Variants in SORCS3 observed in about 807,000 individuals in gnomAD.
SORCS3 encodes the protein VPS10 domain-containing receptor SorCS3.
A neutral mutation model predicts 146.3 loss-of-function variants in SORCS3; 57 were observed. The ratio of observed to expected loss-of-function variants is 0.39; its 90% CI spans 0.31 to 0.49. The LOEUF (loss-of-function observed/expected upper bound fraction) is 0.49, where lower values mean the gene tolerates loss of function less well. Ranked by LOEUF, SORCS3 falls within the 20% of genes least tolerant of loss-of-function variation. The pLI is 0.92. For synonymous variants in SORCS3, 653 were observed against 618.5 expected (o/e 1.06, Z -0.83); for missense variants, 1,341 against 1,575.5 (o/e 0.85, Z 2.52).
intron 1 of SORCS3, among the ~76,000 whole-genome samples, chr10:104,733,148 G>T (rs2016727381): frequency 6.6e-6 from 1 of 152,080 alleles, no homozygotes; most frequent in African/African-American, 2.4e-5. Flanking sequence ...AAAATGCTCT[G>T]GGGCCCATGA....
At chr10:105,093,360 G>A (rs2055723542) in intron 6 of SORCS3, among the ~76,000 whole-genome samples, 1 of 152,074 alleles carries the variant, frequency 6.6e-6, no homozygotes, top group Non-Finnish European at 1.5e-5. Context: ...CCTTGGGATG[G>A]ACAGAGTTTT....
chr10:105,155,094 T>C (rs757968387), intron 9 of SORCS3, among the ~76,000 whole-genome samples: 17 of 152,134 alleles, frequency 1.1e-4, no homozygotes, highest in Non-Finnish European at 2.2e-4. Flanking sequence ...TTCTACATCT[T>C]TTTAGTCCCC....
At chr10:104,828,123 C>T (rs1299840230) in intron 1 of SORCS3, among the ~76,000 whole-genome samples, 1 of 152,090 alleles carries the variant, frequency 6.6e-6, no homozygotes, top group East Asian at 1.9e-4. Flanking sequence ...TTTAAAATTT[C>T]CTTCAAGGAC....
rs201293646 is a variant in SORCS3, at chr10:105,255,684, C to T, written c.3238-18C>T. 8.8e-5 allele frequency: 138 copies of T among 1,576,566 alleles called. 1 individual carries two copies. In the Admixed American group the frequency reaches 1.6e-3, roughly 18 times the overall value. On this transcript the variant is annotated intron_variant, in intron 23 of 26. Coordinates refer to ENST00000369701, the MANE Select transcript of SORCS3 (RefSeq NM_014978.3). ...TTGCATGTCATGTCACCCCATGCATCCTGTCTTATTTTTTCAGATTGTAGA... is the reference window on the plus strand; with the variant it reads ...TTGCATGTCATGTCACCCCATGCATTCTGTCTTATTTTTTCAGATTGTAGA...
intron 1 of SORCS3, among the ~76,000 whole-genome samples, chr10:104,726,956 T>C (rs916335014): frequency 3.3e-5 from 5 of 152,220 alleles, no homozygotes; most frequent in African/African-American, 7.2e-5. Flanking sequence ...TTGCCTGTTT[T>C]TAGGGTACTG....
chr10:105,136,990 G>C (rs1176085188), intron 7 of SORCS3, among the ~76,000 whole-genome samples: 1 of 152,140 alleles, frequency 6.6e-6, no homozygotes, highest in African/African-American at 2.4e-5. Context: ...GACATGGGAG[G>C]ATGAGTTCTC....
chr10:105,117,954 A>G lies in SORCS3; in HGVS notation c.1212+12439A>G, dbSNP rs897076806. ...GTTCAGGGTCCCCTCTCATCTCTCC[A>G]TCTTTCCAATATCATCTTACTTTCC... On this transcript the variant is annotated intron_variant, in intron 7 of 26. Transcript: ENST00000369701. Among the ~76,000 whole-genome samples, 4 of 152,080 alleles carry G rather than the reference A, an allele frequency of 2.6e-5. No individual in the cohort carries two copies. In the East Asian group the frequency reaches 5.8e-4, roughly 22 times the overall value.
intron 4 of SORCS3, among the ~76,000 whole-genome samples, chr10:105,007,097 C>T (rs1402288085): frequency 6.6e-6 from 1 of 152,152 alleles, no homozygotes; most frequent in African/African-American, 2.4e-5. Flanking sequence ...GTGAAAGCTC[C>T]TTCCCCAAAG....
At chr10:105,164,716 C>A (rs2056297931) in intron 12 of SORCS3, among the ~76,000 whole-genome samples, 1 of 152,074 alleles carries the variant, frequency 6.6e-6, no homozygotes, top group African/African-American at 2.4e-5. Context: ...GCCAAGAGTT[C>A]TTGGCAAGCT....
At chr10:105,001,815 A>G (rs561060441) in intron 4 of SORCS3, among the ~76,000 whole-genome samples, 1 of 152,184 alleles carries the variant, frequency 6.6e-6, no homozygotes, top group Non-Finnish European at 1.5e-5. Flanking sequence ...CAGGCACAAT[A>G]TGTCTTTCAA....
intron 1 of SORCS3, among the ~76,000 whole-genome samples, chr10:104,674,912 TTGTTTCCA>T (rs1461641819): frequency 2.0e-5 from 3 of 152,254 alleles, no homozygotes; most frequent in African/African-American, 2.4e-5. Flanking sequence ...GACATCTGAC[TTGTTTCCA>T]ATTTTTGGCT....
chr10:104,743,493 A>G (rs1048490906), intron 1 of SORCS3, among the ~76,000 whole-genome samples: 1 of 152,188 alleles, frequency 6.6e-6, no homozygotes, highest in African/African-American at 2.4e-5. Context: ...AGGGAGGCCA[A>G]GTTTAATGCG....
At chr10:104,940,803 C>T (rs1220541852) in intron 3 of SORCS3, among the ~76,000 whole-genome samples, 3 of 152,090 alleles carry the variant, frequency 2.0e-5, no homozygotes, top group African/African-American at 4.8e-5. Flanking sequence ...ATGAAAACGG[C>T]CATACTGCCC....
chr10:105,123,974 T>C (rs1011539062), intron 7 of SORCS3, among the ~76,000 whole-genome samples: 3 of 152,216 alleles, frequency 2.0e-5, no homozygotes, highest in Admixed American at 6.5e-5. Context: ...CAATTATGTG[T>C]GTGAGTATAT....
At chr10:105,119,559 T>G (rs1304440599) in intron 7 of SORCS3, among the ~76,000 whole-genome samples, 1 of 152,050 alleles carries the variant, frequency 6.6e-6, no homozygotes, top group Non-Finnish European at 1.5e-5. Flanking sequence ...TGAAAACAGT[T>G]GGAACGGGGC....
intron 8 of SORCS3, among the ~76,000 whole-genome samples, chr10:105,145,028 T>C (rs1227587262): frequency 6.6e-6 from 1 of 152,068 alleles, no homozygotes; most frequent in Non-Finnish European, 1.5e-5. Flanking sequence ...GATGGAAGAA[T>C]CTAAGGGTCT....
rs564252484 is a variant in SORCS3, at chr10:104,790,051, C to T, written c.628-52741C>T. Among the ~76,000 whole-genome samples the T allele has an allele frequency of 9.2e-5, 14 of 152,324 alleles. No homozygotes were observed. In the South Asian group the frequency reaches 2.9e-3, roughly 32 times the overall value. On this transcript the variant is annotated intron_variant, in intron 1 of 26. Transcript: ENST00000369701. ...AGGGGTGTCTTCCCCAGGACAAAAG[C>T]AGGAGAGCCTGTCCAGGATCTATAA...
chr10:104,711,320 G>T (rs191837297), intron 1 of SORCS3, among the ~76,000 whole-genome samples: 1 of 152,304 alleles, frequency 6.6e-6, no homozygotes, highest in Admixed American at 6.5e-5. Flanking sequence ...GTCTGGGAAT[G>T]AACATCTGTA....
intron 8 of SORCS3, among the ~76,000 whole-genome samples, chr10:105,143,832 T>A (rs1244322115): frequency 1.3e-5 from 2 of 152,146 alleles, no homozygotes; most frequent in Non-Finnish European, 2.9e-5. Context: ...TTTACCTCCT[T>A]ACTATCTCAC....
Sources: allele counts gnomAD v4.1 joint callset (sites outside exome capture counted in the v4.1 genomes callset), GRCh38; gene constraint gnomAD v4.1.1; transcripts MANE v1.5; gene names NCBI Gene and HGNC (gene_info 2026-07-23, HGNC 2026-07-21).